Variants in PHF14 observed in about 807,000 individuals in gnomAD.
PHF14 encodes the protein PHD finger protein 14.
PHF14 carries 55 observed loss-of-function variants against 117.9 expected under a neutral mutation model. The ratio of observed to expected loss-of-function variants is 0.47; its 90% confidence interval spans 0.38 to 0.58. The LOEUF is 0.58. Ranked by LOEUF, PHF14 falls within the 20% of genes least tolerant of loss-of-function variation. PHF14 has a pLI of 0.00. For synonymous variants in PHF14, 409 were observed against 368.6 expected (o/e 1.11, Z -1.26); for missense variants, 978 against 1,122.2 (o/e 0.87, Z 1.84).
chr7:10,974,422 G>A, intron 1 of PHF14, 98 bp downstream of exon 1: 1 of 1,028,710 alleles, frequency 9.7e-7, no homozygotes, highest in Non-Finnish European at 1.5e-6. Context: ...AGTCCTGCGG[G>A]AAAGCAGGAT....
In PHF14 at chr7:11,162,061, T is replaced by TA. The variant is rs557045368; in HGVS notation, c.2773-7350dup. Among the ~76,000 whole-genome samples, 793 of 145,806 alleles carry TA rather than the reference T, an allele frequency of 5.4e-3. 4 individuals carry two copies. The highest frequency in any genetic ancestry group is 0.014 in the Middle Eastern group (4 of 282). On this transcript the variant is annotated intron_variant, in intron 17 of 17. Transcript: ENST00000634607. ...GCCCCTTCAGATCAGCAGGATATCT[T>TA]AAAAATATGTCTTTTTTTTTTTTTT...
chr7:11,062,061 C>T lies in PHF14; in HGVS notation c.2630C>T (p.Thr877Ile). 1.2e-6 allele frequency: 2 copies of T among 1,607,858 alleles called. No homozygotes were observed. Among genetic ancestry groups the T allele is most frequent in the Non-Finnish European group, 8.5e-7 (1 of 1,176,832 alleles). ...ACTGAATGTGCAACTTGCAAGGGAA[C>T]TGGAGACAATGAAAATCTTGTCAGG... Reference protein sequence around the residue: ...LRTECATCKGTGDNENLVRCD... With the variant: ...LRTECATCKGIGDNENLVRCD... The change falls in exon 16 of 18, where the codon ACT (threonine) becomes ATT (isoleucine). Residue 877 changes from threonine (T) to isoleucine (I), a missense_variant. Thr to Ile is a moderately conservative substitution (Grantham distance 89, BLOSUM62 -1). Transcript: ENST00000634607.
intron 6 of PHF14, among the ~76,000 whole-genome samples, chr7:11,025,491 GTTTTA>G (rs1783875632): frequency 6.6e-6 from 1 of 152,150 alleles, no homozygotes; most frequent in Non-Finnish European, 1.5e-5. Flanking sequence ...AAACTTCATT[GTTTTA>G]TTTTAAGAAC....
chr7:11,077,599 T>TA (rs10658162), intron 16 of PHF14, among the ~76,000 whole-genome samples: 33,105 of 104,836 alleles, frequency 0.32, 5,541 homozygotes, highest in East Asian at 0.56. Context: ...GACTCTGTCT[T>TA]AAAAAAAAAA....
chr7:11,117,911 C>T (rs903275589), intron 17 of PHF14, among the ~76,000 whole-genome samples: 1 of 151,692 alleles, frequency 6.6e-6, no homozygotes, highest in Non-Finnish European at 1.5e-5. Flanking sequence ...ATTCATTTGA[C>T]CTCTGGGATT....
chr7:11,020,239 C>G (rs557364333), intron 5 of PHF14, among the ~76,000 whole-genome samples: 8 of 152,006 alleles, frequency 5.3e-5, no homozygotes, highest in Admixed American at 2.0e-4. Flanking sequence ...TAGGTGTGCG[C>G]CACCACACCA....
chr7:11,063,611 A>G (rs1191648283), intron 16 of PHF14: 3 of 973,280 alleles, frequency 3.1e-6, no homozygotes, highest in African/African-American at 1.8e-5. Context: ...TTTTTTTAAT[A>G]TGAGATTGAT....
intron 16 of PHF14, among the ~76,000 whole-genome samples, chr7:11,090,948 A>G (rs547130875): frequency 1.2e-4 from 19 of 152,272 alleles, no homozygotes; most frequent in African/African-American, 3.8e-4. Context: ...AATAAAGACA[A>G]AGTGGGACCA....
At chr7:11,062,440 G>A (rs1785259710) in intron 16 of PHF14, 1 of 157,024 alleles carries the variant, frequency 6.4e-6, no homozygotes, top group Non-Finnish European at 1.4e-5. Flanking sequence ...AAGTTACTAA[G>A]CTCTGTTAGC....
chr7:10,990,503 G>A (rs1240918162), intron 3 of PHF14, among the ~76,000 whole-genome samples, 200 bp from the exon 4 acceptor site: 1 of 152,116 alleles, frequency 6.6e-6, no homozygotes. Context: ...ATAAGAGGGT[G>A]CTTACAGGGT....
At chr7:11,040,538 A>G (rs1336548101) in intron 11 of PHF14, 134 bp from the exon 12 acceptor site, 23 of 411,234 alleles carry the variant, frequency 5.6e-5, no homozygotes, top group East Asian at 5.5e-4. Context: ...CTTTTTGCCA[A>G]TGTAAAATCT....
chr7:11,128,068 A>C (rs187141111), intron 17 of PHF14, among the ~76,000 whole-genome samples: 2 of 152,128 alleles, frequency 1.3e-5, no homozygotes, highest in African/African-American at 4.8e-5. Flanking sequence ...TAACTGCCCA[A>C]CTTCTCAAGA....
intron 13 of PHF14, 40 bp from the exon 14 acceptor site, chr7:11,051,569 GATA>G (rs1583414034): frequency 1.3e-6 from 2 of 1,515,900 alleles, no homozygotes; most frequent in Middle Eastern, 1.7e-4. Context: ...AAAGCCAGAA[GATA>G]ATAATAAATG....
At chr7:11,044,625 GTTTTTAC>G (rs1784608392) in intron 13 of PHF14, among the ~76,000 whole-genome samples, 1 of 152,082 alleles carries the variant, frequency 6.6e-6, no homozygotes, top group Non-Finnish European at 1.5e-5. Flanking sequence ...GTGGGAGGCA[GTTTTTAC>G]TTTTTGCTTT....
intron 16 of PHF14, among the ~76,000 whole-genome samples, chr7:11,076,577 T>C (rs1785860012): frequency 6.7e-6 from 1 of 148,542 alleles, no homozygotes; most frequent in Non-Finnish European, 1.5e-5. Flanking sequence ...CTTTTTTTTT[T>C]TTTTTTTTGA....
At chr7:11,123,917 CAA>C (rs891259886) in intron 17 of PHF14, among the ~76,000 whole-genome samples, 1 of 129,148 alleles carries the variant, frequency 7.7e-6, no homozygotes. Flanking sequence ...GACTCCATCT[CAA>C]AAAAAAAAAA....
rs533664746 is a variant in PHF14, at chr7:11,090,353, A to T, written c.2655-20997A>T. 4.1e-4 allele frequency among the ~76,000 whole-genome samples: 62 copies of T among 152,334 alleles called. 1 individual carries two copies. The highest frequency in any genetic ancestry group is 1.7e-3 in the South Asian group (8 of 4,826). Reference sequence around the variant, plus strand: ...CACAAGGAAGACAGGCCTACAAAGGACTAAATCAATGGGATTCAGTCACAA... The same window carrying T: ...CACAAGGAAGACAGGCCTACAAAGGTCTAAATCAATGGGATTCAGTCACAA... On this transcript the variant is annotated intron_variant, in intron 16 of 17. Coordinates refer to ENST00000634607, the MANE Select transcript of PHF14 (RefSeq NM_001007157.2).
Position 11,150,912 on chromosome 7 carries a change from A to G in PHF14, c.2773-18504A>G, listed in dbSNP as rs926396913. 2.0e-5 allele frequency among the ~76,000 whole-genome samples: 3 copies of G among 152,174 alleles called. No individual in the cohort carries two copies. In the East Asian group the frequency reaches 5.8e-4, roughly 29 times the overall value. ...AATTCAGTATGTTAATAAGGTTTCAAACAATCCTGAAAGTTTGAAATGTAC... is the reference window on the plus strand; with the variant it reads ...AATTCAGTATGTTAATAAGGTTTCAGACAATCCTGAAAGTTTGAAATGTAC... On this transcript the variant is annotated intron_variant, in intron 17 of 17. Coordinates refer to ENST00000634607, the MANE Select transcript of PHF14 (RefSeq NM_001007157.2).
intron 17 of PHF14, among the ~76,000 whole-genome samples, chr7:11,115,237 G>A (rs1787562057): frequency 6.6e-6 from 1 of 151,688 alleles, no homozygotes; most frequent in Non-Finnish European, 1.5e-5. Flanking sequence ...TTCTGTTATG[G>A]TTCTTCCTGT....
Sources: gnomAD v4.1 joint callset for allele counts (sites outside exome capture counted in the v4.1 genomes callset) on GRCh38, gnomAD v4.1.1 for gene constraint, MANE v1.5 for transcripts, NCBI Gene and HGNC (gene_info 2026-07-23, HGNC 2026-07-21) for gene names.